Variants in STXBP6 observed in about 807,000 individuals in gnomAD.
The protein encoded by STXBP6 is syntaxin binding protein 6, also known as syntaxin-binding protein 6.
STXBP6 carries 21 observed loss-of-function variants against 26.9 expected under a neutral mutation model. The observed-to-expected ratio is 0.78, with a 90% CI of 0.55 to 1.12. The LOEUF is 1.12. STXBP6 is among the 50% of genes most tolerant of loss of function. STXBP6 has a pLI of 0.00. For missense variants in STXBP6, 232 were observed against 257.9 expected, an observed-to-expected ratio of 0.90 and a Z score of 0.69; for synonymous variants, 97 against 92.6, an observed-to-expected ratio of 1.05 and a Z score of -0.27.
chr14:24,954,646 G>A (rs78037966), intron 2 of STXBP6, among the ~76,000 whole-genome samples: 2 of 152,122 alleles, frequency 1.3e-5, no homozygotes, highest in East Asian at 3.9e-4. Context: ...GGGATGAGAG[G>A]CCAAGTGGCA....
intron 1 of STXBP6, among the ~76,000 whole-genome samples, chr14:25,036,301 A>T (rs1345052836): frequency 6.6e-6 from 1 of 151,080 alleles, no homozygotes; most frequent in Non-Finnish European, 1.5e-5. Flanking sequence ...TCCCAGTGTC[A>T]GTGGAAGAGG....
intron 2 of STXBP6, among the ~76,000 whole-genome samples, chr14:24,948,607 T>C (rs183168946): frequency 4.6e-5 from 7 of 152,178 alleles, no homozygotes; most frequent in Admixed American, 3.3e-4. Flanking sequence ...CATGAGCACA[T>C]GGAGCAAGCA....
At chr14:24,865,660 A>G (rs375877601) in intron 2 of STXBP6, among the ~76,000 whole-genome samples, 9 of 152,236 alleles carry the variant, frequency 5.9e-5, no homozygotes, top group African/African-American at 2.2e-4. Flanking sequence ...GACTGGAAAA[A>G]CCTCAAGATT....
chr14:25,015,374 T>C (rs1172126327), intron 1 of STXBP6, among the ~76,000 whole-genome samples: 2 of 151,958 alleles, frequency 1.3e-5, no homozygotes, highest in African/African-American at 4.8e-5. Context: ...TCCAGACACA[T>C]ACCCTGCCCA....
intron 5 of STXBP6, chr14:24,816,892 A>T (rs920577944): frequency 2.0e-5 from 3 of 152,162 alleles, no homozygotes; most frequent in Non-Finnish European, 4.4e-5. Flanking sequence ...AGTGCTCATT[A>T]TGTGACTGAA....
At chr14:24,899,759 A>C (rs2104281) in intron 2 of STXBP6, among the ~76,000 whole-genome samples, 87,516 of 142,658 alleles carry the variant, frequency 0.61, 27,371 homozygotes, top group South Asian at 0.76. Context: ...CTAGCCTGTA[A>C]AACAGAGCGA....
intron 1 of STXBP6, among the ~76,000 whole-genome samples, chr14:25,005,737 AAAAAT>A (rs1327825785): frequency 1.3e-5 from 2 of 152,192 alleles, no homozygotes; most frequent in African/African-American, 4.8e-5. Flanking sequence ...GAAGTGATGA[AAAAAT>A]AAAATACATA....
chr14:24,821,911 T>C (rs903232988), intron 4 of STXBP6, among the ~76,000 whole-genome samples: 6 of 152,148 alleles, frequency 3.9e-5, no homozygotes, highest in African/African-American at 1.4e-4. Flanking sequence ...ACTTATTTTC[T>C]TCTATCTGGG....
intron 1 of STXBP6, among the ~76,000 whole-genome samples, chr14:24,982,445 T>G (rs900369604): frequency 2.0e-5 from 3 of 152,222 alleles, no homozygotes; most frequent in Non-Finnish European, 4.4e-5. Context: ...AGCTACGCGT[T>G]AGCCTGCGCT....
intron 2 of STXBP6, among the ~76,000 whole-genome samples, chr14:24,913,033 T>C (rs955955790): frequency 1.3e-5 from 2 of 152,320 alleles, no homozygotes; most frequent in African/African-American, 4.8e-5. Flanking sequence ...CCAATCTTAA[T>C]GCTGCAAACA....
chr14:24,915,237 T>C (rs2071721828), intron 2 of STXBP6, among the ~76,000 whole-genome samples: 1 of 152,162 alleles, frequency 6.6e-6, no homozygotes, highest in African/African-American at 2.4e-5. Context: ...ATTCTTTCAT[T>C]TCAACTATGG....
rs548052278 is a variant in STXBP6 at position 24,970,236 on chromosome 14, G to A, written c.154+4429C>T. Among the ~76,000 whole-genome samples, 35 of 146,912 alleles carry A rather than the reference G, an allele frequency of 2.4e-4. No homozygotes were observed. The South Asian group carries it at 5.3e-3, about 22-fold the overall frequency. On this transcript the variant is annotated intron_variant, in intron 2 of 5. Transcript: ENST00000323944. The stretch of plus-strand genomic sequence containing the variant: ...AGCCTGGGCAACAGAACGAGACTCC[G>A]TCTCAAAAAAAAAAAAAATCAATTT...
In STXBP6 at chr14:25,045,590, C is replaced by CT. The variant is rs5807274; in HGVS notation, c.-33+4287dup. 1.1e-3 allele frequency among the ~76,000 whole-genome samples: 160 copies of CT among 146,008 alleles called. 4 individuals carry two copies. The highest frequency in any genetic ancestry group is 3.8e-3 in the African/African-American group (151 of 39,824). On this transcript the variant is annotated intron_variant, in intron 1 of 5. Coordinates refer to ENST00000323944, the MANE Select transcript of STXBP6 (RefSeq NM_001394410.1). ...AAACTGCACATTAAATGCGTTCATA[C>CT]TTTTTTTTTCTTTTCTTTTTTTTTT...
intron 1 of STXBP6, among the ~76,000 whole-genome samples, chr14:25,039,910 T>G (rs1466381805): frequency 6.6e-6 from 1 of 152,072 alleles, no homozygotes; most frequent in Non-Finnish European, 1.5e-5. Context: ...GATTTCACCA[T>G]GTTGGCCAGG....
intron 1 of STXBP6, among the ~76,000 whole-genome samples, chr14:25,038,305 C>T (rs752498008): frequency 2.6e-5 from 4 of 152,182 alleles, no homozygotes; most frequent in Non-Finnish European, 5.9e-5. Flanking sequence ...CACTGGAGAA[C>T]TGGCTGTACT....
At chr14:25,035,902 T>C (rs963032086) in intron 1 of STXBP6, among the ~76,000 whole-genome samples, 7 of 152,114 alleles carry the variant, frequency 4.6e-5, no homozygotes, top group Non-Finnish European at 7.4e-5. Context: ...AGAGGTTTCT[T>C]TGCTACTACT....
At position 24,896,662 on chromosome 14, in the gene STXBP6, A is replaced by G. The variant is rs901004756; in HGVS notation, c.155-39505T>C. Among the ~76,000 whole-genome samples the G allele has an allele frequency of 3.9e-5, 6 of 152,256 alleles. No individual in the cohort carries two copies. In the East Asian group the frequency reaches 1.2e-3, roughly 29 times the overall value. ...AGGTACCATAATAAAGATATGGAGT[A>G]CAGAGGCAGAACAAAGGAGATAAAG... On this transcript the variant is annotated intron_variant, in intron 2 of 5. Transcript: ENST00000323944.
At chr14:24,901,292 G>A (rs1410522975) in intron 2 of STXBP6, among the ~76,000 whole-genome samples, 2 of 151,304 alleles carry the variant, frequency 1.3e-5, no homozygotes, top group Non-Finnish European at 2.9e-5. Flanking sequence ...ACTGTTTTTT[G>A]AGATTGAAAA....
intron 2 of STXBP6, among the ~76,000 whole-genome samples, chr14:24,873,965 T>C (rs1276289779): frequency 6.6e-6 from 1 of 152,224 alleles, no homozygotes; most frequent in Non-Finnish European, 1.5e-5. Flanking sequence ...CTTTTGCTGA[T>C]GTGCAGATGC....
Sources: gnomAD v4.1 joint callset for allele counts (sites outside exome capture counted in the v4.1 genomes callset) on GRCh38, gnomAD v4.1.1 for gene constraint, MANE v1.5 for transcripts, NCBI Gene and HGNC (gene_info 2026-07-23, HGNC 2026-07-21) for gene names.